The following NPEPPS variants were observed in gnomAD, a reference collection of about 807,000 sequenced individuals.
The protein encoded by NPEPPS is aminopeptidase puromycin sensitive, also known as puromycin-sensitive aminopeptidase.
Under a neutral mutation model 115.5 loss-of-function variants are expected in NPEPPS, and 14 were observed. That is an observed-to-expected ratio of 0.12 (90% CI 0.08 to 0.19). The LOEUF (loss-of-function observed/expected upper bound fraction) is 0.19. Among genes scored for constraint, NPEPPS ranks in the 10% least tolerant of loss-of-function variants. The probability of loss-of-function intolerance (pLI) is 1.00; values close to 1 mark genes in which losing one functional copy is unlikely to be tolerated. For synonymous variants in NPEPPS, 285 were observed against 390.6 expected (o/e 0.73, Z 3.19); for missense variants, 523 against 1,110.8 (o/e 0.47, Z 7.52).
chr17:47,580,370 C>G (rs1255589385), intron 4 of NPEPPS: 1 of 152,060 alleles, frequency 6.6e-6, no homozygotes, highest in Non-Finnish European at 1.5e-5. Context: ...AACACTTCAT[C>G]CTGGAATGGT....
At chr17:47,535,151 G>A (rs1435567622) in intron 1 of NPEPPS, among the ~76,000 whole-genome samples, 1 of 147,142 alleles carries the variant, frequency 6.8e-6, no homozygotes, top group Non-Finnish European at 1.5e-5. Context: ...CCTGAGGCAG[G>A]AGAATGGCGT....
At chr17:47,607,348 CAG>C (rs946032456) in intron 17 of NPEPPS, among the ~76,000 whole-genome samples, 16 of 152,132 alleles carry the variant, frequency 1.1e-4, no homozygotes, top group Admixed American at 4.6e-4. Context: ...GTGGTTGAGA[CAG>C]AGGAAACAGC....
At chr17:47,603,128 A>G (rs1913318767) in intron 15 of NPEPPS, among the ~76,000 whole-genome samples, 1 of 152,234 alleles carries the variant, frequency 6.6e-6, no homozygotes, top group Non-Finnish European at 1.5e-5. Flanking sequence ...TATAGAGAAT[A>G]ATGCAGTTGC....
chr17:47,614,593 T>C (rs973822341), intron 19 of NPEPPS, among the ~76,000 whole-genome samples: 8 of 152,230 alleles, frequency 5.3e-5, no homozygotes, highest in African/African-American at 1.2e-4. Flanking sequence ...GATAAAACTT[T>C]CCATGTCCTC....
intron 1 of NPEPPS, among the ~76,000 whole-genome samples, chr17:47,538,804 A>G (rs1004973821): frequency 6.6e-6 from 1 of 152,170 alleles, no homozygotes; most frequent in Non-Finnish European, 1.5e-5. Flanking sequence ...CTGGGATTAC[A>G]GGCCTGAGCC....
chr17:47,578,750 T>G (rs1490753157), intron 3 of NPEPPS, among the ~76,000 whole-genome samples: 1 of 151,886 alleles, frequency 6.6e-6, no homozygotes, highest in Non-Finnish European at 1.5e-5. Context: ...TCATTGGTCT[T>G]CCCTATAGCT....
At chr17:47,541,516 A>T (rs2143694739) in intron 1 of NPEPPS, among the ~76,000 whole-genome samples, 1 of 152,088 alleles carries the variant, frequency 6.6e-6, no homozygotes, top group East Asian at 1.9e-4. Context: ...AGCTGGGATT[A>T]CAGGCGCCTG....
intron 1 of NPEPPS, among the ~76,000 whole-genome samples, chr17:47,543,636 A>G (rs530884700): frequency 4.9e-4 from 74 of 151,736 alleles, no homozygotes; most frequent in African/African-American, 1.7e-3. Flanking sequence ...CAGGACTATC[A>G]TTTAATACCC....
intron 9 of NPEPPS, among the ~76,000 whole-genome samples, chr17:47,589,318 C>T (rs981354763): frequency 3.9e-5 from 6 of 152,074 alleles, no homozygotes; most frequent in Admixed American, 3.9e-4. Context: ...TGCAGTGGCA[C>T]AATCATGGGT....
intron 1 of NPEPPS, among the ~76,000 whole-genome samples, chr17:47,538,170 A>G (rs896583269): frequency 2.2e-5 from 3 of 135,150 alleles, no homozygotes; most frequent in Non-Finnish European, 3.2e-5. Context: ...TGGGATTACA[A>G]GTGTGAGCCA....
At chr17:47,560,095 A>G (rs1317432922) in intron 2 of NPEPPS, among the ~76,000 whole-genome samples, 3 of 152,208 alleles carry the variant, frequency 2.0e-5, no homozygotes, top group East Asian at 3.9e-4. Context: ...ATCTTGTTCT[A>G]TGATTCTTTT....
At chr17:47,615,651 A>G (rs183852353) in intron 19 of NPEPPS, among the ~76,000 whole-genome samples, 14 of 152,362 alleles carry the variant, frequency 9.2e-5, no homozygotes, top group Admixed American at 3.3e-4. Flanking sequence ...CCTGTATACT[A>G]TAAATGATAT....
At chr17:47,601,523 T>G in intron 14 of NPEPPS, 85 bp from the exon 15 acceptor site, 1 of 1,490,180 alleles carries the variant, frequency 6.7e-7, no homozygotes, top group South Asian at 1.2e-5. Context: ...TGGCTTAGGC[T>G]CCTGGTTAGA....
chr17:47,567,543 A>T (rs915149995), intron 2 of NPEPPS, among the ~76,000 whole-genome samples: 4 of 152,110 alleles, frequency 2.6e-5, no homozygotes, highest in African/African-American at 9.7e-5. Flanking sequence ...TAATAGCTTT[A>T]TTGATGTATA....
intron 4 of NPEPPS, chr17:47,581,906 G>C (rs972644455): frequency 1.5e-4 from 23 of 152,186 alleles, no homozygotes; most frequent in African/African-American, 4.8e-4. Flanking sequence ...ATGTTGACCA[G>C]GCTGGTCTCT....
chr17:47,597,905 C>G (rs908169940), intron 13 of NPEPPS, among the ~76,000 whole-genome samples: 1 of 152,184 alleles, frequency 6.6e-6, no homozygotes, highest in South Asian at 2.1e-4. Flanking sequence ...GAGGACCTCT[C>G]AGTTAGATTG....
chr17:47,585,783 G>A (rs1324181627), intron 6 of NPEPPS, 83 bp downstream of exon 6: 5 of 990,318 alleles, frequency 5.0e-6, no homozygotes, highest in African/African-American at 4.8e-5. Flanking sequence ...TATTAGTACA[G>A]TTATTTATAA....
chr17:47,535,476 GGGAGGC>G (rs1908161904), intron 1 of NPEPPS, among the ~76,000 whole-genome samples: 1 of 149,946 alleles, frequency 6.7e-6, no homozygotes, highest in Non-Finnish European at 1.5e-5. Flanking sequence ...GTGTGAACCC[GGGAGGC>G]GGAGCTTGCA....
At chr17:47,598,038 G>C (rs1912981325) in intron 13 of NPEPPS, among the ~76,000 whole-genome samples, 1 of 152,164 alleles carries the variant, frequency 6.6e-6, no homozygotes, top group South Asian at 2.1e-4. Flanking sequence ...TCTTTTTTCT[G>C]CACTTGGGAC....
Sources: allele counts gnomAD v4.1 joint callset (sites outside exome capture counted in the v4.1 genomes callset), GRCh38; gene constraint gnomAD v4.1.1; transcripts MANE v1.5; gene names NCBI Gene and HGNC (gene_info 2026-07-23, HGNC 2026-07-21).